Variants in SIL1 observed in about 807,000 individuals in gnomAD.
SIL1 encodes the protein nucleotide exchange factor SIL1.
SIL1 carries 40 observed loss-of-function variants against 49.1 expected under a neutral mutation model. The observed-to-expected ratio is 0.81, with a 90% confidence interval of 0.63 to 1.06. SIL1 has a LOEUF of 1.06. Ranked by LOEUF, SIL1 falls within the 50% of genes least tolerant of loss-of-function variation. SIL1 has a pLI of 0.00. For missense variants in SIL1, 500 were observed against 572.6 expected, an observed-to-expected ratio of 0.87 and a Z score of 1.29; for synonymous variants, 253 against 250.8, an observed-to-expected ratio of 1.01 and a Z score of -0.08.
chr5:139,154,864 T>C (rs1008221914), intron 1 of SIL1, among the ~76,000 whole-genome samples: 1 of 152,064 alleles, frequency 6.6e-6, no homozygotes, highest in Non-Finnish European at 1.5e-5. Context: ...CAGAAATAAA[T>C]GGAGAGGAAG....
chr5:139,080,702 C>G (rs1770054285), intron 3 of SIL1, among the ~76,000 whole-genome samples: 2 of 152,130 alleles, frequency 1.3e-5, no homozygotes, highest in African/African-American at 4.8e-5. Flanking sequence ...GCTTTTAGAT[C>G]AATTCTTACC....
rs117937823 is a variant in SIL1, at chr5:139,183,560, G to C, written c.-11+14709C>G. Reference sequence around the variant, plus strand: ...GGTGAATACCCTGGACAAACTCAGAGGCAGCTTAGGTTGTACTAAAAAACA... The same window carrying C: ...GGTGAATACCCTGGACAAACTCAGACGCAGCTTAGGTTGTACTAAAAAACA... On this transcript the variant is annotated intron_variant, in intron 1 of 9. Transcript: ENST00000394817. Among the ~76,000 whole-genome samples the C allele has an allele frequency of 6.0e-4, 92 of 152,298 alleles. No homozygotes were observed. In the East Asian group the frequency reaches 0.012, roughly 19 times the overall value.
chr5:139,064,428 G>A (rs931636755), intron 3 of SIL1, among the ~76,000 whole-genome samples: 1 of 152,166 alleles, frequency 6.6e-6, no homozygotes, highest in Non-Finnish European at 1.5e-5. Context: ...TGGAGCAACA[G>A]GTACAGTGCA....
intron 3 of SIL1, among the ~76,000 whole-genome samples, chr5:139,093,412 GTCCACA>G (rs1770386202): frequency 6.6e-6 from 1 of 152,130 alleles, no homozygotes; most frequent in Non-Finnish European, 1.5e-5. Flanking sequence ...AACAGGTGCC[GTCCACA>G]ATCCTTCAGA....
At chr5:139,139,805 G>A (rs1324885499) in intron 1 of SIL1, among the ~76,000 whole-genome samples, 2 of 152,052 alleles carry the variant, frequency 1.3e-5, no homozygotes, top group African/African-American at 4.8e-5. Flanking sequence ...TGGCCAACAT[G>A]GTGAAACCTC....
intron 3 of SIL1, among the ~76,000 whole-genome samples, chr5:139,099,512 T>C (rs1023284884): frequency 2.6e-5 from 4 of 152,128 alleles, no homozygotes; most frequent in East Asian, 3.9e-4. Context: ...ATAGCCAACA[T>C]TGGAAGCAAC....
At chr5:139,029,576 G>A (rs116535608) in intron 5 of SIL1, among the ~76,000 whole-genome samples, 7,722 of 151,826 alleles carry the variant, frequency 0.051, 258 homozygotes, top group Non-Finnish European at 0.075. Flanking sequence ...ATCACAGCTC[G>A]CTGCAGTCTC....
intron 1 of SIL1, among the ~76,000 whole-genome samples, chr5:139,133,905 G>GT (rs1750920049): frequency 6.6e-6 from 1 of 152,216 alleles, no homozygotes; most frequent in Admixed American, 6.5e-5. Context: ...TGGACTTGAA[G>GT]TCAGACAGAC....
chr5:139,086,243 A>T (rs544358927), intron 3 of SIL1, among the ~76,000 whole-genome samples: 10 of 149,610 alleles, frequency 6.7e-5, no homozygotes, highest in African/African-American at 2.0e-4. Flanking sequence ...ACTGCACTCC[A>T]GCCTGAGCAA....
intron 1 of SIL1, among the ~76,000 whole-genome samples, chr5:139,132,379 AT>A (rs920947706): frequency 6.6e-6 from 1 of 152,124 alleles, no homozygotes; most frequent in Non-Finnish European, 1.5e-5. Context: ...TGTCAGAAAC[AT>A]TTTCTGCCAA....
chr5:139,008,927 A>G (rs1033315454), intron 7 of SIL1, among the ~76,000 whole-genome samples: 10 of 151,480 alleles, frequency 6.6e-5, no homozygotes, highest in African/African-American at 2.2e-4. Context: ...GCTGAAAAAA[A>G]TGTATATTCT....
At chr5:138,989,949 A>G (rs557678926) in intron 7 of SIL1, among the ~76,000 whole-genome samples, 10 of 152,208 alleles carry the variant, frequency 6.6e-5, no homozygotes, top group African/African-American at 2.2e-4. Context: ...AGAGGTACTG[A>G]GTGGGAACAG....
chr5:139,176,927 C>CTTTTTTT (rs70982757), intron 1 of SIL1, among the ~76,000 whole-genome samples: 5 of 95,788 alleles, frequency 5.2e-5, no homozygotes, highest in African/African-American at 7.3e-5. Flanking sequence ...AGCTGAGATT[C>CTTTTTTT]TTTTTTTTTT....
chr5:139,057,911 C>T (rs924434570), intron 3 of SIL1, among the ~76,000 whole-genome samples: 1 of 152,180 alleles, frequency 6.6e-6, no homozygotes, highest in Non-Finnish European at 1.5e-5. Flanking sequence ...GAGGCACCCT[C>T]AAGCCTCTTC....
At chr5:139,178,874 A>C (rs1400312024) in intron 1 of SIL1, among the ~76,000 whole-genome samples, 1 of 152,140 alleles carries the variant, frequency 6.6e-6, no homozygotes, top group Non-Finnish European at 1.5e-5. Flanking sequence ...TTTTATATAC[A>C]TTTGTTGACT....
chr5:139,183,034 A>G (rs1390034465), intron 1 of SIL1, among the ~76,000 whole-genome samples: 1 of 152,200 alleles, frequency 6.6e-6, no homozygotes, highest in Non-Finnish European at 1.5e-5. Context: ...ATGGTCTCTT[A>G]TGAATTTCAC....
At chr5:139,132,857 G>A (rs1165559361) in intron 1 of SIL1, among the ~76,000 whole-genome samples, 1 of 152,152 alleles carries the variant, frequency 6.6e-6, no homozygotes, top group Non-Finnish European at 1.5e-5. Flanking sequence ...GCTATGCTTT[G>A]CCAGGATGGC....
intron 7 of SIL1, among the ~76,000 whole-genome samples, chr5:138,977,513 T>G (rs1428818080): frequency 6.6e-6 from 1 of 152,102 alleles, no homozygotes; most frequent in Non-Finnish European, 1.5e-5. Context: ...TCTTGCTCTG[T>G]CACCCAGGCT....
At chr5:138,975,839 A>C (rs1293728516) in intron 7 of SIL1, among the ~76,000 whole-genome samples, 2 of 152,260 alleles carry the variant, frequency 1.3e-5, no homozygotes, top group East Asian at 3.8e-4. Flanking sequence ...GTAAACTGGA[A>C]GCAGATTCTC....
Sources: gnomAD v4.1 joint callset for allele counts (sites outside exome capture counted in the v4.1 genomes callset) on GRCh38, gnomAD v4.1.1 for gene constraint, MANE v1.5 for transcripts, NCBI Gene and HGNC (gene_info 2026-07-23, HGNC 2026-07-21) for gene names.